TEKT5: variants seen among roughly 807,000 people sequenced by gnomAD.
TEKT5 encodes tektin-5.
A neutral mutation model predicts 48.7 loss-of-function variants in TEKT5; 52 were observed. The observed-to-expected ratio is 1.07, with a 90% CI of 0.86 to 1.35. The LOEUF is 1.35. Among genes scored for constraint, TEKT5 ranks in the 40% most tolerant of loss-of-function variants. TEKT5 has a pLI of 0.00. For missense variants in TEKT5, 831 were observed against 641.6 expected (o/e 1.30, Z -3.19); for synonymous variants, 318 against 267.6 (o/e 1.19, Z -1.84).
intron 4 of TEKT5, among the ~76,000 whole-genome samples, chr16:10,677,077 G>C (rs1353501191): frequency 6.6e-6 from 1 of 152,186 alleles, no homozygotes; most frequent in African/African-American, 2.4e-5. Flanking sequence ...TGTGGTCCCA[G>C]CTACTTGGGA....
intron 4 of TEKT5, among the ~76,000 whole-genome samples, chr16:10,678,339 C>A (rs1267901651): frequency 6.6e-6 from 1 of 152,104 alleles, no homozygotes; most frequent in South Asian, 2.1e-4. Context: ...CGTCGTGATT[C>A]GCCCACCTCA....
chr16:10,683,413 A>G (rs939214643), intron 3 of TEKT5, among the ~76,000 whole-genome samples: 4 of 103,678 alleles, frequency 3.9e-5, no homozygotes, highest in Non-Finnish European at 7.9e-5. Context: ...AGGTAAAGAG[A>G]GGACAATGGA....
chr16:10,658,706 G>T (rs1462092284), intron 5 of TEKT5, among the ~76,000 whole-genome samples: 1 of 137,792 alleles, frequency 7.3e-6, no homozygotes, highest in African/African-American at 2.9e-5. Flanking sequence ...TGACATTTAG[G>T]ACTAGATATT....
intron 2 of TEKT5, 68 bp downstream of exon 2, chr16:10,689,874 T>G: frequency 6.7e-7 from 1 of 1,496,914 alleles, no homozygotes; most frequent in Non-Finnish European, 9.3e-7. Context: ...GGTAGCTCAG[T>G]AATTTCTCTG....
intron 5 of TEKT5, among the ~76,000 whole-genome samples, chr16:10,674,206 A>AACTCCCTGTTGATCTGTTCTCG: frequency 6.8e-6 from 1 of 147,834 alleles, no homozygotes; most frequent in African/African-American, 2.5e-5. Flanking sequence ...TTGGCCGCTC[A>AACTCCCTGTTGATCTGTTCTCG]ACTCCCTGTT....
At chr16:10,693,948 T>G (rs1486816363) in intron 1 of TEKT5, among the ~76,000 whole-genome samples, 1 of 152,074 alleles carries the variant, frequency 6.6e-6, no homozygotes, top group Admixed American at 6.5e-5. Context: ...CCAGCTTGGG[T>G]GACAGAGGGA....
chr16:10,690,140 T>C (rs1474303716), intron 1 of TEKT5, 115 bp from the exon 2 acceptor site: 5 of 1,074,640 alleles, frequency 4.7e-6, no homozygotes, highest in Non-Finnish European at 6.8e-6. Context: ...GAAACCTGGG[T>C]GCTTCATGTG....
At chr16:10,682,581 G>C (rs185851856) in intron 3 of TEKT5, among the ~76,000 whole-genome samples, 4 of 152,328 alleles carry the variant, frequency 2.6e-5, no homozygotes, top group Non-Finnish European at 4.4e-5. Context: ...CCCTGCCTCA[G>C]TTTCCCAAAG....
chr16:10,627,836 A>G, intron 6 of TEKT5, 37 bp from the exon 7 acceptor site: 1 of 1,570,398 alleles, frequency 6.4e-7, no homozygotes, highest in Non-Finnish European at 8.7e-7. Context: ...CAGGTTATTC[A>G]TTTATTTTTA....
intron 5 of TEKT5, among the ~76,000 whole-genome samples, chr16:10,663,692 G>C (rs1256174951): frequency 3.3e-5 from 5 of 152,156 alleles, no homozygotes; most frequent in Admixed American, 3.3e-4. Context: ...TGTGGGGGCT[G>C]TCCTGTGCAT....
At chr16:10,656,334 C>G (rs958145615) in intron 5 of TEKT5, among the ~76,000 whole-genome samples, 19 of 152,366 alleles carry the variant, frequency 1.2e-4, no homozygotes, top group African/African-American at 4.6e-4. Flanking sequence ...TCCCTGCAAT[C>G]TATGCCTCCT....
At chr16:10,650,605 C>T (rs1262278292) in intron 5 of TEKT5, among the ~76,000 whole-genome samples, 1 of 139,294 alleles carries the variant, frequency 7.2e-6, no homozygotes, top group Non-Finnish European at 1.5e-5. Flanking sequence ...CCACATCTGG[C>T]CAGGTGGGTG....
In TEKT5 at chr16:10,657,119, C is replaced by CT. The variant is rs57742183; in HGVS notation, c.1086+18839dup. Among the ~76,000 whole-genome samples the CT allele has an allele frequency of 2.6e-3, 348 of 135,344 alleles. 1 individual carries two copies. Among genetic ancestry groups the CT allele is most frequent in the East Asian group, 3.5e-3 (15 of 4,322 alleles). 88.8% of individuals were successfully genotyped at this position (135,344 alleles called of 152,430 possible). Reference sequence around the variant, plus strand: ...ATATAAAGCCAAAAATTAGGTCTGCCTTTTTTTTTTTTTTCTTTTTTTTGA... The same window carrying CT: ...ATATAAAGCCAAAAATTAGGTCTGCCTTTTTTTTTTTTTTTCTTTTTTTTGA... On this transcript the variant is annotated intron_variant, in intron 5 of 6. Transcript: ENST00000283025.
intron 5 of TEKT5, among the ~76,000 whole-genome samples, chr16:10,648,900 T>A (rs1370695571): frequency 6.6e-6 from 1 of 152,250 alleles, no homozygotes; most frequent in African/African-American, 2.4e-5. Context: ...CAGCAAGTGC[T>A]GATGGTTTTG....
intron 5 of TEKT5, among the ~76,000 whole-genome samples, chr16:10,669,776 T>C (rs981375524): frequency 1.6e-4 from 24 of 152,030 alleles, no homozygotes; most frequent in African/African-American, 5.6e-4. Flanking sequence ...ACTTGGGTAA[T>C]TGCATGTAAA....
intron 3 of TEKT5, among the ~76,000 whole-genome samples, chr16:10,684,962 T>A (rs914840537): frequency 6.6e-6 from 1 of 152,222 alleles, no homozygotes; most frequent in Non-Finnish European, 1.5e-5. Context: ...AGCAGGTCAG[T>A]GGCAGAGCTT....
intron 5 of TEKT5, among the ~76,000 whole-genome samples, chr16:10,671,248 A>C (rs1898543940): frequency 6.6e-6 from 1 of 152,216 alleles, no homozygotes; most frequent in South Asian, 2.1e-4. Flanking sequence ...ACCAATAGCC[A>C]ACTAAAAGAG....
At chr16:10,633,078 G>A (rs369283456) in intron 6 of TEKT5, among the ~76,000 whole-genome samples, 28 of 152,186 alleles carry the variant, frequency 1.8e-4, no homozygotes, top group East Asian at 9.6e-4. Flanking sequence ...GTCCCCTGGC[G>A]GGGCCGCCAC....
chr16:10,627,786 C>T lies in TEKT5; in HGVS notation c.1255G>A (p.Val419Met), dbSNP rs761551790. 2 of 1,613,884 alleles carry T rather than the reference C, an allele frequency of 1.2e-6. No individual in the cohort carries two copies. Among genetic ancestry groups the T allele is most frequent in the South Asian group, 1.1e-5 (1 of 91,078 alleles). The part of the protein sequence containing the change: ...DIPQLKLVNE[V>M]FTIDDTLQTL... ...TGCAGGGTGTCGTCGATGGTGAACA[C>T]CTCGTTCACCAGCCTGGGGTGAGGG... The change falls in exon 7 of 7, where the codon GTG becomes ATG. Residue 419 changes from valine to methionine, a missense_variant. Transcript: ENST00000283025.
Sources: allele counts gnomAD v4.1 joint callset (sites outside exome capture counted in the v4.1 genomes callset), GRCh38; gene constraint gnomAD v4.1.1; transcripts MANE v1.5; gene names NCBI Gene and HGNC (gene_info 2026-07-23, HGNC 2026-07-21).